The following OTUD7A variants were observed in gnomAD, a reference collection of about 807,000 sequenced individuals.
OTUD7A encodes the protein OTU deubiquitinase 7A.
In OTUD7A, 12 loss-of-function variants were observed where a neutral mutation model predicts 65.7. That is an observed-to-expected ratio of 0.18 (90% confidence interval 0.12 to 0.30). OTUD7A has a LOEUF of 0.30. Among genes scored for constraint, OTUD7A ranks in the 10% least tolerant of loss-of-function variants. OTUD7A has a pLI of 1.00. For synonymous variants in OTUD7A, 641 were observed against 586.3 expected, an observed-to-expected ratio of 1.09 and a Z score of -1.35; for missense variants, 1,148 against 1,304.8, an observed-to-expected ratio of 0.88 and a Z score of 1.85.
At chr15:31,799,236 G>A (rs1052025831) in intron 1 of OTUD7A, among the ~76,000 whole-genome samples, 1 of 152,194 alleles carries the variant, frequency 6.6e-6, no homozygotes, top group African/African-American at 2.4e-5. Flanking sequence ...GGAGATGGCT[G>A]CGTCTCCTTA....
intron 1 of OTUD7A, among the ~76,000 whole-genome samples, chr15:31,844,240 C>T (rs182235816): frequency 1.3e-5 from 2 of 152,372 alleles, no homozygotes; most frequent in East Asian, 1.9e-4. Context: ...GGTGCGGTGG[C>T]TCATGCCTGT....
intron 4 of OTUD7A, among the ~76,000 whole-genome samples, chr15:31,569,516 C>G (rs1888979836): frequency 6.6e-6 from 1 of 152,224 alleles, no homozygotes; most frequent in Non-Finnish European, 1.5e-5. Context: ...CGTCATTACA[C>G]TGGTGAGATC....
chr15:31,802,660 T>C (rs772331424), intron 1 of OTUD7A, among the ~76,000 whole-genome samples: 11 of 152,218 alleles, frequency 7.2e-5, no homozygotes, highest in Admixed American at 1.3e-4. Flanking sequence ...AGTGCTGCAA[T>C]AGCACATTTG....
intron 3 of OTUD7A, among the ~76,000 whole-genome samples, chr15:31,577,840 C>T (rs1255107253): frequency 2.1e-5 from 3 of 141,398 alleles, no homozygotes; most frequent in African/African-American, 7.8e-5. Flanking sequence ...AAAAACAACA[C>T]AGAAGCAGGT....
intron 3 of OTUD7A, among the ~76,000 whole-genome samples, chr15:31,597,039 C>T (rs1195514307): frequency 1.3e-5 from 2 of 152,196 alleles, no homozygotes; most frequent in Non-Finnish European, 2.9e-5. Flanking sequence ...ATCCTCCTGC[C>T]TCAGCCTCCC....
chr15:31,508,300 A>T (rs927783859), intron 8 of OTUD7A, among the ~76,000 whole-genome samples: 2 of 152,150 alleles, frequency 1.3e-5, no homozygotes, highest in African/African-American at 4.8e-5. Flanking sequence ...ACAGCATAAA[A>T]TAGGGTCCTT....
intron 1 of OTUD7A, among the ~76,000 whole-genome samples, chr15:31,811,599 C>T (rs916493939): frequency 6.6e-6 from 1 of 151,986 alleles, no homozygotes; most frequent in Admixed American, 6.6e-5. Context: ...GAAAAGGAGA[C>T]AGTGAGAAGC....
At chr15:31,485,821 T>A (rs1208407836) in intron 12 of OTUD7A, among the ~76,000 whole-genome samples, 1 of 152,182 alleles carries the variant, frequency 6.6e-6, no homozygotes, top group Non-Finnish European at 1.5e-5. Context: ...CTCAAACCCT[T>A]CAAGCAAGTT....
chr15:31,503,913 C>T (rs1039280284), intron 8 of OTUD7A, 95 bp from the exon 9 acceptor site: 1 of 1,445,142 alleles, frequency 6.9e-7, no homozygotes, highest in Non-Finnish European at 9.5e-7. Flanking sequence ...GAGCCCTCCC[C>T]ACTCTGGATA....
chr15:31,609,802 C>T lies in OTUD7A; in HGVS notation c.152-39605G>A, dbSNP rs531098008. 5.3e-5 allele frequency among the ~76,000 whole-genome samples: 8 copies of T among 152,258 alleles called. No individual in the cohort carries two copies. The East Asian group carries it at 7.7e-4, about 15-fold the overall frequency. On this transcript the variant is annotated intron_variant, in intron 3 of 12. Transcript: ENST00000307050. ...AACATTAAACCACCAAAGCTAAGAACGCTCACAGAGTCCATTTCACCCCCC... is the reference window on the plus strand; with the variant it reads ...AACATTAAACCACCAAAGCTAAGAATGCTCACAGAGTCCATTTCACCCCCC...
intron 1 of OTUD7A, among the ~76,000 whole-genome samples, chr15:31,787,324 C>G (rs1895700666): frequency 6.6e-6 from 1 of 152,158 alleles, no homozygotes; most frequent in Admixed American, 6.5e-5. Flanking sequence ...AGCAAGAAAG[C>G]ATTTGGTTTT....
At chr15:31,856,298 A>G (rs1419194888) in intron 1 of OTUD7A, among the ~76,000 whole-genome samples, 1 of 152,244 alleles carries the variant, frequency 6.6e-6, no homozygotes, top group East Asian at 1.9e-4. Flanking sequence ...AGCAATTAGT[A>G]GTAATGCCTC....
intron 1 of OTUD7A, among the ~76,000 whole-genome samples, chr15:31,760,567 C>A (rs1894933506): frequency 6.6e-6 from 1 of 152,182 alleles, no homozygotes; most frequent in African/African-American, 2.4e-5. Context: ...CCCAGTGTTG[C>A]TGTTAAAAGA....
intron 3 of OTUD7A, among the ~76,000 whole-genome samples, chr15:31,631,245 T>G (rs2141249674): frequency 6.6e-6 from 1 of 152,376 alleles, no homozygotes; most frequent in East Asian, 1.9e-4. Context: ...CCTTTCCATG[T>G]TAAGTTCTTC....
intron 5 of OTUD7A, among the ~76,000 whole-genome samples, chr15:31,537,567 ACTT>A (rs758997852): frequency 2.0e-5 from 3 of 152,162 alleles, no homozygotes; most frequent in Non-Finnish European, 4.4e-5. Flanking sequence ...TTACTTAGTC[ACTT>A]CTTTGTCTCT....
At chr15:31,652,099 C>A (rs539380482) in intron 3 of OTUD7A, among the ~76,000 whole-genome samples, 67 of 151,120 alleles carry the variant, frequency 4.4e-4, no homozygotes, top group Admixed American at 1.6e-3. Flanking sequence ...TACAAAGCTA[C>A]AGAAATCAAT....
chr15:31,828,719 T>C (rs1896858380), intron 1 of OTUD7A, among the ~76,000 whole-genome samples: 1 of 152,182 alleles, frequency 6.6e-6, no homozygotes, highest in African/African-American at 2.4e-5. Context: ...CTTTTTTCTG[T>C]CCTGGGAACC....
intron 1 of OTUD7A, among the ~76,000 whole-genome samples, chr15:31,864,363 A>G (rs1394835516): frequency 6.6e-6 from 1 of 152,212 alleles, no homozygotes. Flanking sequence ...TGATAAAGAC[A>G]TATGCGAAAC....
chr15:31,754,112 C>T (rs1894741830), intron 1 of OTUD7A, among the ~76,000 whole-genome samples: 1 of 152,026 alleles, frequency 6.6e-6, no homozygotes, highest in South Asian at 2.1e-4. Context: ...TTTTTCTGCT[C>T]ATTAGTGATG....
Sources: gnomAD v4.1 joint callset for allele counts (sites outside exome capture counted in the v4.1 genomes callset) on GRCh38, gnomAD v4.1.1 for gene constraint, MANE v1.5 for transcripts, NCBI Gene and HGNC (gene_info 2026-07-23, HGNC 2026-07-21) for gene names.